Variants in CHTF18 observed in about 807,000 individuals in gnomAD.
CHTF18 encodes the protein chromosome transmission fidelity protein 18 homolog.
CHTF18 carries 151 observed loss-of-function variants against 113.4 expected under a neutral mutation model. That is an observed-to-expected ratio of 1.33 (90% CI 1.17 to 1.52). The LOEUF is 1.52. Ranked by LOEUF, CHTF18 falls within the 40% of genes most tolerant of loss-of-function variation. CHTF18 has a pLI of 0.00. For missense variants in CHTF18, 1,982 were observed against 1,381.6 expected (o/e 1.43, Z -6.89); for synonymous variants, 916 against 598.8 (o/e 1.53, Z -7.74).
At chr16:789,523 C>T (rs778909348) in intron 3 of CHTF18, 24 bp from the exon 4 acceptor site, 18 of 1,574,614 alleles carry the variant, frequency 1.1e-5, no homozygotes, top group Non-Finnish European at 1.4e-5. Context: ...GAGTTTCTGC[C>T]ACTGAGCCCC....
Position 788,659 on chromosome 16 carries a change from A to C in CHTF18, c.-26A>C, listed in dbSNP as rs563920295. On this transcript the variant is annotated 5_prime_UTR_variant, in exon 1 of 22. Transcript: ENST00000262315. ...GGCGGCGGCGGCGCGGGAGGTTCGGAGCGGGAGCTCGGGCTCGCGGACGGT... is the reference window on the plus strand; with the variant it reads ...GGCGGCGGCGGCGCGGGAGGTTCGGCGCGGGAGCTCGGGCTCGCGGACGGT... 83 of 1,503,302 alleles carry C rather than the reference A, an allele frequency of 5.5e-5. No individual in the cohort carries two copies. The African/African-American group carries it at 1.0e-3, about 18-fold the overall frequency. 93.1% of individuals were successfully genotyped at this position (1,503,302 alleles called of 1,614,324 possible).
rs757777788 is a variant in CHTF18, at chr16:792,546, G to A, written c.1434G>A (p.Glu478=). The A allele has an allele frequency of 1.3e-6, 2 of 1,596,204 alleles. No homozygotes were observed. The highest frequency in any genetic ancestry group is 1.1e-5 in the South Asian group (1 of 88,872). The change falls in exon 11 of 22, where the codon GAG becomes GAA. Residue 478 remains glutamate (E), a synonymous_variant. Coordinates refer to ENST00000262315, the MANE Select transcript of CHTF18 (RefSeq NM_022092.3). ...GAGGCGGCCGACGGCGCCGGGCAGA[G>A]GGGGGGCTCCTCATGAGGCCCATTA... ...PSGGGRRRRA[E]GGLLMRPIIC...
rs190601033 is a variant in CHTF18, at chr16:789,734, C to T, written c.606+19C>T. 1,020 of 1,565,442 alleles carry T rather than the reference C, an allele frequency of 6.5e-4. 3 individuals are homozygous for T. Among genetic ancestry groups the T allele is most frequent in the Admixed American group, 2.7e-3 (155 of 56,650 alleles). ...GGTGCAGGTGCGTGGCTGTGGCCTT[C>T]CTGCACGGTGGGTGGGCCAGTGCTG... On this transcript the variant is annotated intron_variant, in intron 4 of 21. Coordinates refer to ENST00000262315, the MANE Select transcript of CHTF18 (RefSeq NM_022092.3).
rs773014483 is a variant in CHTF18, at chr16:797,998, C to T, written c.*23C>T. On this transcript the variant is annotated 3_prime_UTR_variant, in exon 22 of 22. Transcript: ENST00000262315. ...TAGTTCTCTGAGCCGCGGACATGCC[C>T]TCGCATTGCTTCCCGCAGAGTGCAG... is the stretch of plus-strand genomic sequence containing the variant. The T allele has an allele frequency of 6.3e-6, 10 of 1,599,586 alleles. No individual in the cohort carries two copies. The highest frequency in any genetic ancestry group is 2.2e-5 in the South Asian group (2 of 89,888).
rs770824393 is a variant in CHTF18 at position 789,246 on chromosome 16, A to C, written c.323A>C (p.Lys108Thr). ...AAACGGCCTAGGCTGCAGGTGGTCA[A>C]GAGGCTGAACTTCAGATCGGAGGAG... ...RIKRPRLQVVKRLNFRSEEME... is the reference protein window; with the variant it reads ...RIKRPRLQVVTRLNFRSEEME... Residue 108 changes from lysine (K) to threonine (T), a missense_variant, in exon 3 of 22, where the codon AAG becomes ACG. Lys to Thr is a moderately conservative substitution (Grantham distance 78). Coordinates refer to ENST00000262315, the MANE Select transcript of CHTF18 (RefSeq NM_022092.3). 5 of 1,556,600 alleles carry C rather than the reference A, an allele frequency of 3.2e-6. No individual in the cohort carries two copies. In the South Asian group the frequency reaches 5.9e-5, roughly 18 times the overall value.
chr16:790,976 C>G (rs1331926280), intron 7 of CHTF18, 185 bp from the exon 8 acceptor site: 4 of 1,446,936 alleles, frequency 2.8e-6, no homozygotes, highest in Non-Finnish European at 3.6e-6. Flanking sequence ...TGGGTTGTGG[C>G]CAGAGCCGTG....
rs756684420 is a variant in CHTF18, at chr16:792,479, G to C, written c.1367G>C (p.Gly456Ala). The change falls in exon 11 of 22, where the codon GGG (glycine) becomes GCG (alanine). Residue 456 changes from glycine (G) to alanine (A), a missense_variant. Transcript: ENST00000262315. ...NVLLSILNRK[G>A]PQEVGPQGPA... ...CTCCTGAGCATCCTGAACCGCAAGG[G>C]GCCACAGGAGGTGGGGCCACAGGGC... is the stretch of plus-strand genomic sequence containing the variant. 92 of 1,586,176 alleles carry C rather than the reference G, an allele frequency of 5.8e-5. No homozygotes were observed. Among genetic ancestry groups the C allele is most frequent in the Non-Finnish European group, 7.0e-5 (82 of 1,166,900 alleles).
Position 795,734 on chromosome 16 carries a change from C to T in CHTF18, c.2225C>T (p.Ser742Phe). 1 of 1,607,682 alleles carries T rather than the reference C, an allele frequency of 6.2e-7. No homozygotes were observed. The highest frequency in any genetic ancestry group is 8.5e-7 in the Non-Finnish European group (1 of 1,178,332). The change falls in exon 17 of 22, where the codon TCC becomes TTC. Residue 742 changes from serine (S) to phenylalanine (F), a missense_variant. Ser to Phe is a radical substitution (Grantham distance 155). Coordinates refer to ENST00000262315, the MANE Select transcript of CHTF18 (RefSeq NM_022092.3). ...AGGAACCTGATCCAGACGCTGGTGT[C>T]CGGCATCGCGCCAGCCACGCGCAGC... ...QMRNLIQTLV[S>F]GIAPATRSRA...
At chr16:792,684 C>A in intron 11 of CHTF18, 34 bp from the exon 12 acceptor site, 1 of 1,578,542 alleles carries the variant, frequency 6.3e-7, no homozygotes, top group Middle Eastern at 1.7e-4. Flanking sequence ...GTGGTGCCAA[C>A]CCTGGGGTCC....
chr16:797,948 C>A lies in CHTF18; in HGVS notation c.2901C>A (p.Arg967=). 2 of 1,612,316 alleles carry A rather than the reference C, an allele frequency of 1.2e-6. No homozygotes were observed. Among genetic ancestry groups the A allele is most frequent in the Non-Finnish European group, 1.7e-6 (2 of 1,179,698 alleles). Residue 967 remains arginine, a synonymous_variant, in exon 22 of 22, where the codon CGC becomes CGA. Transcript: ENST00000262315. ...FNEGVSNAVR[R]SLYIRDLL Reference sequence around the variant, plus strand: ...AGGGTGTCTCCAACGCCGTGCGGCGCAGCCTGTACATCAGGGACTTGCTCT... The same window carrying A: ...AGGGTGTCTCCAACGCCGTGCGGCGAAGCCTGTACATCAGGGACTTGCTCT...
Position 788,969 on chromosome 16 carries a change from A to G in CHTF18, c.130A>G (p.Thr44Ala). 6.4e-7 allele frequency: 1 copy of G among 1,568,154 alleles called. No homozygotes were observed. The highest frequency in any genetic ancestry group is 1.8e-5 in the Admixed American group (1 of 56,156). Residue 44 changes from threonine to alanine, a missense_variant, in exon 2 of 22, where the codon ACC becomes GCC. Thr to Ala is a moderately conservative substitution (Grantham distance 58). Transcript: ENST00000262315. ...TPSPSGVPLF[T>A]AGRPPRTFEE... is the part of the protein sequence containing the mutation. ...GTCGCCCTCCGGGGTCCCCCTGTTC[A>G]CCGCGGGCCGACCCCCGCGGACGTT... is the stretch of plus-strand genomic sequence containing the variant.
rs1305254192 is a variant in CHTF18 at position 792,371 on chromosome 16, G to C, written c.1326+24G>C. The C allele has an allele frequency of 3.2e-6, 5 of 1,560,434 alleles. No individual in the cohort carries two copies. In the African/African-American group the frequency reaches 6.8e-5, roughly 21 times the overall value. ...TGGTGGGCTCCTTGATGCCTGGGTA[G>C]GTGGGTGGGCGGGCAGGCAGGCGGG... On this transcript the variant is annotated intron_variant, in intron 10 of 21. Coordinates refer to ENST00000262315, the MANE Select transcript of CHTF18 (RefSeq NM_022092.3).
Position 788,630 on chromosome 16 carries a change from C to T in CHTF18, c.-55C>T, listed in dbSNP as rs1250526812. 1.3e-5 allele frequency: 18 copies of T among 1,383,326 alleles called. No individual in the cohort carries two copies. Among genetic ancestry groups the T allele is most frequent in the Non-Finnish European group, 1.9e-6 (2 of 1,049,596 alleles). The allele number at this position is 1,383,326 out of a possible 1,614,324, so 85.7% of individuals were successfully genotyped here. A position where few individuals can be genotyped will look rare whatever the true frequency, so the allele number is the denominator to read the frequency against. ...CGGCACGCTCGGGGCGGGCAGTGCG[C>T]GACGGCGGCGGCGGCGCGGGAGGTT... On this transcript the variant is annotated 5_prime_UTR_variant, in exon 1 of 22. Transcript: ENST00000262315.
rs1046183928 is a variant in CHTF18 at position 795,317 on chromosome 16, C to T, written c.2136C>T (p.Ser712=). The T allele has an allele frequency of 6.5e-7, 1 of 1,548,492 alleles. No individual in the cohort carries two copies. The highest frequency in any genetic ancestry group is 8.7e-7 in the Non-Finnish European group (1 of 1,146,656). ...CCTTCCATGTGCTGTTTGCTTCCAG[C>T]CACACACCCAGGATCACCTTCCCCA... is the stretch of plus-strand genomic sequence containing the variant. ...PVAFHVLFAS[S]HTPRITFPSS... is the part of the protein sequence containing the mutation. The change falls in exon 16 of 22, where the codon AGC becomes AGT. Residue 712 remains serine, a synonymous_variant. Transcript: ENST00000262315.
chr16:793,041 C>G lies in CHTF18; in HGVS notation c.1648C>G (p.Arg550Gly), dbSNP rs1433681402. ...CTGTGAGAAAACTGACAATGACATCCGGGCCTGCATCAACACCCTGCAGGT... is the reference window on the plus strand; with the variant it reads ...CTGTGAGAAAACTGACAATGACATCGGGGCCTGCATCAACACCCTGCAGGT... ...ALCEKTDNDI[R>G]ACINTLQFLY... Residue 550 changes from arginine to glycine, a missense_variant, in exon 13 of 22, where the codon CGG becomes GGG. Coordinates refer to ENST00000262315, the MANE Select transcript of CHTF18 (RefSeq NM_022092.3). 7.8e-6 allele frequency: 12 copies of G among 1,542,406 alleles called. No homozygotes were observed. The highest frequency in any genetic ancestry group is 3.8e-5 in the Admixed American group (2 of 52,836).
chr16:790,901 T>TC (rs2042179185), intron 7 of CHTF18: 3 of 1,432,640 alleles, frequency 2.1e-6, no homozygotes, highest in Non-Finnish European at 2.7e-6. Flanking sequence ...AAGTCTCTGT[T>TC]CCCTTTCCTA....
chr16:790,135 C>T (rs1400061491), intron 4 of CHTF18, 42 bp from the exon 5 acceptor site: 13 of 1,554,500 alleles, frequency 8.4e-6, no homozygotes, highest in Middle Eastern at 1.7e-4. Context: ...AATCCTGTGA[C>T]CTAGGAGGGG....
In CHTF18 at chr16:792,589, C is replaced by G. The variant is rs774445198; in HGVS notation, c.1477C>G (p.Gln493Glu). Residue 493 changes from glutamine to glutamate, a missense_variant and splice_region_variant, in exon 11 of 22, where the codon CAG (glutamine) becomes GAG (glutamate). Gln to Glu is a conservative substitution (Grantham distance 29, BLOSUM62 2). Transcript: ENST00000262315. ...MRPIICICND[Q>E]FAPSLRQLKQ... is the part of the protein sequence containing the mutation. ...GCCCATTATCTGCATTTGCAATGACCAGTGAGTGCATGGGCGGGCGCCACA... is the reference window on the plus strand; with the variant it reads ...GCCCATTATCTGCATTTGCAATGACGAGTGAGTGCATGGGCGGGCGCCACA... 1.1e-5 allele frequency: 18 copies of G among 1,595,384 alleles called. No homozygotes were observed. Among genetic ancestry groups the G allele is most frequent in the South Asian group, 5.6e-5 (5 of 89,266 alleles).
rs1188863930 is a variant in CHTF18 at position 791,973 on chromosome 16, G to A, written c.1202+25G>A. Reference sequence around the variant, plus strand: ...GGTGAGTGATGTGAGGTCCGTCTCTGGCTCGCCTTCTGTCCTGACGTGTTT... The same window carrying A: ...GGTGAGTGATGTGAGGTCCGTCTCTAGCTCGCCTTCTGTCCTGACGTGTTT... On this transcript the variant is annotated intron_variant, in intron 9 of 21. Transcript: ENST00000262315. 4.4e-6 allele frequency: 7 copies of A among 1,590,574 alleles called. No homozygotes were observed. The Admixed American group carries it at 5.3e-5, about 12-fold the overall frequency.
Sources: allele counts gnomAD v4.1 joint callset, GRCh38; gene constraint gnomAD v4.1.1; transcripts MANE v1.5; gene names NCBI Gene and HGNC (gene_info 2026-07-23, HGNC 2026-07-21).